CSTL1: variants seen among roughly 807,000 people sequenced by gnomAD.
CSTL1 encodes the protein cystatin-like 1.
CSTL1 carries 14 observed loss-of-function variants against 14.4 expected under a neutral mutation model. The observed-to-expected ratio is 0.97, with a 90% confidence interval of 0.64 to 1.52. The LOEUF (loss-of-function observed/expected upper bound fraction) is 1.52. Ranked by LOEUF, CSTL1 falls within the 40% of genes most tolerant of loss-of-function variation. The pLI is 0.00. For synonymous variants in CSTL1, 72 were observed against 67.5 expected (o/e 1.07, Z -0.33); for missense variants, 170 against 168.7 (o/e 1.01, Z -0.04).
At chr20:23,453,510 G>T in the CSTL1 span, among the ~76,000 whole-genome samples, 1 of 152,150 alleles carries the variant, frequency 6.6e-6, no homozygotes, top group African/African-American at 2.4e-5. Context: ...GTCTCCTAAA[G>T]GTCCCATCCT....
chr20:23,440,194 ATGAG>A lies in CSTL1; in HGVS notation c.-70_-67del, dbSNP rs1192838691. On this transcript the variant is annotated 5_prime_UTR_variant, in exon 2 of 4. It introduces an in-frame stop codon into an upstream open reading frame of the 5' UTR. Transcript: ENST00000347397. ...TGTTGGTGAGGGTTATGATGGGAGA[ATGAG>A]TGAACTGCAGCCTGGCACCACCACA... 6.7e-6 allele frequency: 10 copies of A among 1,490,192 alleles called. No individual in the cohort carries two copies. The African/African-American group carries it at 1.4e-4, about 21-fold the overall frequency. The allele number at this position is 1,490,192 out of a possible 1,614,324, so 92.3% of individuals were successfully genotyped here.
downstream of CSTL1, among the ~76,000 whole-genome samples, chr20:23,448,707 A>G (rs2424558): frequency 0.59 from 90,496 of 152,100 alleles, 28,534 homozygotes; most frequent in African/African-American, 0.81. Flanking sequence ...ATCTCCCCAA[A>G]AATAGTAATG....
the CSTL1 span, among the ~76,000 whole-genome samples, chr20:23,451,615 A>G: frequency 6.7e-6 from 1 of 150,242 alleles, no homozygotes; most frequent in Non-Finnish European, 1.5e-5. Flanking sequence ...GCCTCCTCAC[A>G]CTCCTTCCAG....
At chr20:23,443,845 A>T in intron 2 of CSTL1, 89 bp from the exon 3 acceptor site, 4 of 872,174 alleles carry the variant, frequency 4.6e-6, no homozygotes, top group Non-Finnish European at 3.7e-6. Flanking sequence ...TGGCCCTGGG[A>T]GCTTTACTCT....
In CSTL1 at chr20:23,443,918, A is replaced by G. The variant is rs1457663787; in HGVS notation, c.220-16A>G. ...TGCTTGGAGTCCACACTAACAGCAC[A>G]ACTGATTCTCGGCAGCTGACGACGG... On this transcript the variant is annotated splice_polypyrimidine_tract_variant and intron_variant, in intron 2 of 3. Coordinates refer to ENST00000347397, the MANE Select transcript of CSTL1 (RefSeq NM_138283.1). 1 of 1,600,530 alleles carries G rather than the reference A, an allele frequency of 6.2e-7. No individual in the cohort carries two copies. The highest frequency in any genetic ancestry group is 1.7e-5 in the Admixed American group (1 of 59,982).
the CSTL1 span, among the ~76,000 whole-genome samples, chr20:23,458,176 T>C: frequency 1.3e-5 from 2 of 152,164 alleles, no homozygotes; most frequent in East Asian, 3.9e-4. Context: ...AAATTAAAAA[T>C]AGAATGGACT....
At chr20:23,460,921 A>G in the CSTL1 span, among the ~76,000 whole-genome samples, 3 of 152,156 alleles carry the variant, frequency 2.0e-5, no homozygotes. Flanking sequence ...CGCCTCCCCC[A>G]TATTCTGCCC....
the CSTL1 span, among the ~76,000 whole-genome samples, chr20:23,458,110 C>A: frequency 6.6e-6 from 1 of 151,948 alleles, no homozygotes; most frequent in African/African-American, 2.4e-5. Flanking sequence ...TGTTTATATT[C>A]CAAAAAAAAA....
chr20:23,456,760 A>G, the CSTL1 span, among the ~76,000 whole-genome samples: 1 of 152,106 alleles, frequency 6.6e-6, no homozygotes, highest in Non-Finnish European at 1.5e-5. Flanking sequence ...GGCCTAAGGG[A>G]GAACCTATTT....
chr20:23,451,825 C>T, the CSTL1 span: 4 of 1,613,640 alleles, frequency 2.5e-6, 1 homozygote, highest in East Asian at 8.9e-5. Context: ...CCTTGTGAAG[C>T]TCCCTTTCCT....
chr20:23,441,259 A>G (rs1986824564), intron 2 of CSTL1, among the ~76,000 whole-genome samples: 1 of 152,180 alleles, frequency 6.6e-6, no homozygotes, highest in Admixed American at 6.5e-5. Flanking sequence ...ACAAACTTCA[A>G]ATTATACAGA....
the CSTL1 span, among the ~76,000 whole-genome samples, chr20:23,458,335 A>T: frequency 6.6e-6 from 1 of 152,232 alleles, no homozygotes; most frequent in Non-Finnish European, 1.5e-5. Flanking sequence ...CTGTCATCTC[A>T]CATAGATGAA....
chr20:23,458,397 CA>C, the CSTL1 span: 1 of 152,160 alleles, frequency 6.6e-6, no homozygotes, highest in Non-Finnish European at 1.5e-5. Context: ...TCTTAAACTC[CA>C]GTGGCTTTGT....
At chr20:23,447,775 C>T (rs1036709297), downstream of CSTL1, among the ~76,000 whole-genome samples, 1 of 152,156 alleles carries the variant, frequency 6.6e-6, no homozygotes, top group African/African-American at 2.4e-5. Flanking sequence ...ACATGTGTTT[C>T]TATTGGATAT....
intron 2 of CSTL1, among the ~76,000 whole-genome samples, chr20:23,443,472 C>A (rs960301241): frequency 6.6e-6 from 1 of 152,034 alleles, no homozygotes; most frequent in Non-Finnish European, 1.5e-5. Context: ...CAAATCAATT[C>A]GATTCCAAAA....
At chr20:23,454,052 C>T in the CSTL1 span, among the ~76,000 whole-genome samples, 2 of 151,778 alleles carry the variant, frequency 1.3e-5, no homozygotes, top group South Asian at 4.2e-4. Flanking sequence ...AGATGCACAA[C>T]ACACACACAT....
the CSTL1 span, among the ~76,000 whole-genome samples, chr20:23,458,111 C>A: frequency 6.6e-6 from 1 of 151,072 alleles, no homozygotes; most frequent in Non-Finnish European, 1.5e-5. Context: ...GTTTATATTC[C>A]AAAAAAAAAT....
the CSTL1 span, chr20:23,458,940 A>G: frequency 6.6e-6 from 1 of 152,248 alleles, no homozygotes; most frequent in Non-Finnish European, 1.5e-5. Flanking sequence ...GGAGTCTAAG[A>G]TCATGAGCTT....
chr20:23,440,534 G>A (rs767724535), intron 2 of CSTL1, 48 bp downstream of exon 2: 34 of 1,394,904 alleles, frequency 2.4e-5, no homozygotes, highest in Non-Finnish European at 3.5e-5. Flanking sequence ...GTTCTTGCCA[G>A]TTCAGACATG....
Sources: gnomAD v4.1 joint callset for allele counts (sites outside exome capture counted in the v4.1 genomes callset) on GRCh38, gnomAD v4.1.1 for gene constraint, MANE v1.5 for transcripts, NCBI Gene and HGNC (gene_info 2026-07-23, HGNC 2026-07-21) for gene names.